KIAA0513: variants seen among roughly 807,000 people sequenced by gnomAD.
The protein encoded by KIAA0513 is KIAA0513.
A neutral mutation model predicts 56.5 loss-of-function variants in KIAA0513; 39 were observed. The ratio of observed to expected loss-of-function variants is 0.69; its 90% CI spans 0.53 to 0.90. The LOEUF (loss-of-function observed/expected upper bound fraction) is 0.90. KIAA0513 is among the 40% of genes least tolerant of loss of function. The pLI, the probability that KIAA0513 is intolerant of heterozygous loss-of-function variation, is 0.00. For missense variants in KIAA0513, 591 were observed against 535.2 expected, an observed-to-expected ratio of 1.10 and a Z score of -1.03; for synonymous variants, 268 against 215.6, an observed-to-expected ratio of 1.24 and a Z score of -2.13.
intron 1 of KIAA0513, among the ~76,000 whole-genome samples, chr16:85,038,245 G>C (rs2073060548): frequency 6.6e-6 from 1 of 152,156 alleles, no homozygotes; most frequent in African/African-American, 2.4e-5. Flanking sequence ...GGGCCCCACG[G>C]CCTCTGGATC....
Position 85,076,607 on chromosome 16 carries a change from C to T in KIAA0513, c.574+693C>T, listed in dbSNP as rs756155755. Among the ~76,000 whole-genome samples the T allele has an allele frequency of 1.3e-5, 2 of 152,192 alleles. No individual in the cohort carries two copies. Among genetic ancestry groups the T allele is most frequent in the East Asian group, 1.9e-4 (1 of 5,166 alleles). ...CCGTGCTTTCCTCTCTCGGGACCCG[C>T]GTGCTCACTCTTGGGGTGTATGTAT... On this transcript the variant is annotated intron_variant, in intron 5 of 12. Transcript: ENST00000683363. This position sits in a 1 kb window ranked among gnomAD's most constrained non-coding sequence, Gnocchi z 4.7.
At chr16:85,079,105 G>A in intron 8 of KIAA0513, 102 bp downstream of exon 8, 1 of 1,586,908 alleles carries the variant, frequency 6.3e-7, no homozygotes, top group South Asian at 1.1e-5. Flanking sequence ...CAGAATGGCA[G>A]AATTCTCACA....
At chr16:85,073,913 G>A (rs1334589423) in intron 4 of KIAA0513, among the ~76,000 whole-genome samples, 2 of 151,878 alleles carry the variant, frequency 1.3e-5, no homozygotes, top group African/African-American at 4.8e-5. Flanking sequence ...TTACTTCCTT[G>A]TCTCCCAACC....
Position 85,078,408 on chromosome 16 carries a change from C to G in KIAA0513, c.783-7C>G. ...CGTGTGTCATCATTGTGCCTTCTCT[C>G]CCTCAGGGAAGACGAGAACAAACCC... On this transcript the variant is annotated splice_polypyrimidine_tract_variant and splice_region_variant and intron_variant, in intron 6 of 12. Coordinates refer to ENST00000683363, the MANE Select transcript of KIAA0513 (RefSeq NM_001388359.1). 6.2e-7 allele frequency: 1 copy of G among 1,613,964 alleles called. No homozygotes were observed. Among genetic ancestry groups the G allele is most frequent in the South Asian group, 1.1e-5 (1 of 91,068 alleles).
chr16:85,074,526 TTCTC>T (rs1213026590), intron 4 of KIAA0513, among the ~76,000 whole-genome samples: 2 of 152,144 alleles, frequency 1.3e-5, no homozygotes, highest in African/African-American at 4.8e-5. Flanking sequence ...TCTCTCCACT[TTCTC>T]TCTTTCTCTT....
chr16:85,045,922 C>T (rs1284539170), intron 1 of KIAA0513, among the ~76,000 whole-genome samples: 1 of 152,162 alleles, frequency 6.6e-6, no homozygotes, highest in Non-Finnish European at 1.5e-5. Context: ...CATGGCTGTG[C>T]TCCTGCAGGG....
intron 1 of KIAA0513, among the ~76,000 whole-genome samples, chr16:85,046,196 T>C (rs976756928): frequency 6.6e-6 from 1 of 152,222 alleles, no homozygotes; most frequent in African/African-American, 2.4e-5. Context: ...AAGTCCTTCT[T>C]ACCACGCGCC....
At chr16:85,055,376 G>A (rs931900866) in intron 1 of KIAA0513, among the ~76,000 whole-genome samples, 5 of 152,186 alleles carry the variant, frequency 3.3e-5, no homozygotes, top group African/African-American at 1.2e-4. Flanking sequence ...AAAATAAGAT[G>A]CATTTTAGGA....
intron 1 of KIAA0513, among the ~76,000 whole-genome samples, chr16:85,066,254 G>A (rs2073479545): frequency 6.6e-6 from 1 of 152,318 alleles, no homozygotes; most frequent in Middle Eastern, 3.4e-3. Flanking sequence ...GGAGGAAAAA[G>A]TTGGGGAATG....
chr16:85,047,760 C>T (rs544606420), intron 1 of KIAA0513, among the ~76,000 whole-genome samples: 1 of 152,142 alleles, frequency 6.6e-6, no homozygotes, highest in Non-Finnish European at 1.5e-5. Context: ...CCTGGAGCCC[C>T]CGGGCACACT....
intron 1 of KIAA0513, among the ~76,000 whole-genome samples, chr16:85,036,297 C>T (rs746364837): frequency 9.2e-5 from 14 of 152,188 alleles, no homozygotes; most frequent in Non-Finnish European, 1.8e-4. Flanking sequence ...TTCCATCACT[C>T]CATCAACGAA....
At chr16:85,079,331 A>G in intron 8 of KIAA0513, 1 of 312,600 alleles carries the variant, frequency 3.2e-6, no homozygotes, top group Non-Finnish European at 6.0e-6. Context: ...TCCTCACAAA[A>G]CCTTGTACAC....
intron 1 of KIAA0513, among the ~76,000 whole-genome samples, chr16:85,043,227 C>T (rs1321517783): frequency 6.6e-6 from 1 of 151,996 alleles, no homozygotes; most frequent in African/African-American, 2.4e-5. Flanking sequence ...GATTTACTAC[C>T]CCCAGCTACA....
chr16:85,037,595 G>A (rs1311713648), intron 1 of KIAA0513, among the ~76,000 whole-genome samples: 3 of 152,126 alleles, frequency 2.0e-5, no homozygotes, highest in South Asian at 4.1e-4. Flanking sequence ...TAGAAAACCC[G>A]TTAACCAAGT....
intron 1 of KIAA0513, among the ~76,000 whole-genome samples, chr16:85,041,207 C>A (rs943810336): frequency 1.4e-4 from 22 of 152,258 alleles, no homozygotes; most frequent in Admixed American, 7.9e-4. Context: ...CCCAACTCTC[C>A]AACTAGGTCG....
intron 4 of KIAA0513, among the ~76,000 whole-genome samples, chr16:85,074,357 C>T (rs2073625815): frequency 7.1e-6 from 1 of 140,714 alleles, no homozygotes; most frequent in African/African-American, 2.7e-5. Flanking sequence ...CACACACACA[C>T]ACACACATAT....
intron 4 of KIAA0513, 149 bp from the exon 5 acceptor site, chr16:85,075,695 A>C (rs1374520260): frequency 1.5e-6 from 1 of 673,376 alleles, no homozygotes; most frequent in African/African-American, 1.8e-5. Flanking sequence ...AGTTCTCCTA[A>C]TGGAACTTGG....
intron 1 of KIAA0513, among the ~76,000 whole-genome samples, chr16:85,054,650 G>T (rs772121807): frequency 2.0e-5 from 3 of 151,770 alleles, no homozygotes; most frequent in Admixed American, 6.6e-5. Context: ...AGCTGGTCTC[G>T]AACTCTTGAC....
intron 11 of KIAA0513, 65 bp downstream of exon 11, chr16:85,086,789 C>T: frequency 7.2e-7 from 1 of 1,380,544 alleles, no homozygotes; most frequent in South Asian, 1.3e-5. Flanking sequence ...AGCTGTCACA[C>T]CTGGTATCAC....
Sources: gnomAD v4.1 joint callset for allele counts (sites outside exome capture counted in the v4.1 genomes callset) on GRCh38, gnomAD v4.1.1 for gene constraint, Gnocchi (gnomAD v3.1) non-coding constraint, MANE v1.5 for transcripts, NCBI Gene and HGNC (gene_info 2026-07-23, HGNC 2026-07-21) for gene names.